The following SUSD4 variants were observed in gnomAD, a reference collection of about 807,000 sequenced individuals.
The protein encoded by SUSD4 is sushi domain containing 4.
In SUSD4, 41 loss-of-function variants were observed where a neutral mutation model predicts 50.5. The observed-to-expected ratio is 0.81, with a 90% CI of 0.63 to 1.05. SUSD4 has a LOEUF of 1.05. Among genes scored for constraint, SUSD4 ranks in the 50% least tolerant of loss-of-function variants. The probability of loss-of-function intolerance (pLI) is 0.00; values close to 1 mark genes in which losing one functional copy is unlikely to be tolerated. For missense variants in SUSD4, 580 were observed against 634.7 expected, an observed-to-expected ratio of 0.91 and a Z score of 0.93; for synonymous variants, 257 against 257.3, an observed-to-expected ratio of 1.00 and a Z score of 0.01.
At chr1:223,343,053 A>G (rs1437218402) in intron 2 of SUSD4, among the ~76,000 whole-genome samples, 1 of 152,206 alleles carries the variant, frequency 6.6e-6, no homozygotes, top group Non-Finnish European at 1.5e-5. Context: ...CAAAACAATA[A>G]ACACAAATAG....
At chr1:223,273,479 T>A (rs1223861573) in intron 3 of SUSD4, among the ~76,000 whole-genome samples, 1 of 152,246 alleles carries the variant, frequency 6.6e-6, no homozygotes, top group Non-Finnish European at 1.5e-5. Context: ...TCTTTGTTTG[T>A]CTGGGGGCTC....
At chr1:223,301,904 T>C (rs896418189) in intron 2 of SUSD4, among the ~76,000 whole-genome samples, 1 of 152,130 alleles carries the variant, frequency 6.6e-6, no homozygotes, top group Non-Finnish European at 1.5e-5. Context: ...TTTCCCATCA[T>C]CTCAAAATCC....
intron 2 of SUSD4, among the ~76,000 whole-genome samples, chr1:223,307,613 G>A (rs1423385128): frequency 6.6e-6 from 1 of 152,148 alleles, no homozygotes; most frequent in Admixed American, 6.5e-5. Flanking sequence ...GACTTTTGCG[G>A]GGGGATTGGA....
chr1:223,289,469 G>A (rs1019540135), intron 3 of SUSD4, among the ~76,000 whole-genome samples: 1 of 152,154 alleles, frequency 6.6e-6, no homozygotes, highest in Non-Finnish European at 1.5e-5. Context: ...TAAAAGAAAG[G>A]GATCTGTGCG....
chr1:223,278,810 A>ACCCCCCGAGTAGGGGCAGACT (rs1663471609), intron 3 of SUSD4, among the ~76,000 whole-genome samples: 1 of 152,006 alleles, frequency 6.6e-6, no homozygotes, highest in South Asian at 2.1e-4. Flanking sequence ...ACTGGGAGGC[A>ACCCCCCGAGTAGGGGCAGACT]CCCCCCGAGT....
At chr1:223,276,739 T>C (rs1663301472) in intron 3 of SUSD4, among the ~76,000 whole-genome samples, 1 of 152,168 alleles carries the variant, frequency 6.6e-6, no homozygotes, top group South Asian at 2.1e-4. Context: ...TGGGGACAGG[T>C]AGAAGCATCC....
upstream of SUSD4, among the ~76,000 whole-genome samples, chr1:223,364,887 G>A (rs968883951): frequency 1.3e-5 from 2 of 152,162 alleles, no homozygotes; most frequent in South Asian, 4.1e-4. This position sits in a 1 kb window ranked among gnomAD's most constrained non-coding sequence, Gnocchi z 4.5. Flanking sequence ...TCCCCAGGGA[G>A]CCCGAAGGAC....
At chr1:223,304,133 T>A (rs553903372) in intron 2 of SUSD4, among the ~76,000 whole-genome samples, 3 of 152,188 alleles carry the variant, frequency 2.0e-5, no homozygotes, top group African/African-American at 7.2e-5. Context: ...GCGCCCCTCA[T>A]GCGTCCGTTT....
At chr1:223,358,437 T>C (rs1181580349) in intron 2 of SUSD4, among the ~76,000 whole-genome samples, 2 of 152,236 alleles carry the variant, frequency 1.3e-5, no homozygotes, top group Non-Finnish European at 2.9e-5. Flanking sequence ...TTGAGTTCTA[T>C]CCGTCCTATA....
intron 2 of SUSD4, among the ~76,000 whole-genome samples, chr1:223,309,247 G>A (rs1665729079): frequency 6.6e-6 from 1 of 152,230 alleles, no homozygotes; most frequent in Admixed American, 6.5e-5. Flanking sequence ...CTATCTTGGA[G>A]ATATCTGCAC....
At chr1:223,346,299 G>A (rs146502213) in intron 2 of SUSD4, among the ~76,000 whole-genome samples, 87 of 152,160 alleles carry the variant, frequency 5.7e-4, no homozygotes, top group African/African-American at 2.0e-3. Flanking sequence ...GTGGCTCGTC[G>A]ATGGCCTCCT....
chr1:223,339,779 T>G (rs1214215202), intron 2 of SUSD4, among the ~76,000 whole-genome samples: 1 of 152,212 alleles, frequency 6.6e-6, no homozygotes, highest in Non-Finnish European at 1.5e-5. Flanking sequence ...AAGCTTCATG[T>G]GTATACACCT....
chr1:223,263,328 T>A (rs1180436489), intron 5 of SUSD4, among the ~76,000 whole-genome samples: 1 of 152,192 alleles, frequency 6.6e-6, no homozygotes, highest in Non-Finnish European at 1.5e-5. Flanking sequence ...AAATAAAAAT[T>A]CAAGACACTC....
chr1:223,237,520 C>T (rs1214489465), intron 5 of SUSD4, among the ~76,000 whole-genome samples: 2 of 151,686 alleles, frequency 1.3e-5, no homozygotes, highest in Non-Finnish European at 3.0e-5. Flanking sequence ...GAGGATGTTG[C>T]CCTTTATTTC....
chr1:223,327,300 T>C (rs571845868), intron 2 of SUSD4, among the ~76,000 whole-genome samples: 3 of 152,236 alleles, frequency 2.0e-5, no homozygotes, highest in Non-Finnish European at 4.4e-5. Flanking sequence ...AAGGCATACA[T>C]TGATATAATG....
chr1:223,355,319 C>T (rs949920219), intron 2 of SUSD4, among the ~76,000 whole-genome samples: 2 of 152,032 alleles, frequency 1.3e-5, no homozygotes, highest in African/African-American at 4.8e-5. Flanking sequence ...AGTGATCCAC[C>T]TGCCTCGGTC....
At chr1:223,338,636 G>GA (rs1350643227) in intron 2 of SUSD4, among the ~76,000 whole-genome samples, 1 of 152,238 alleles carries the variant, frequency 6.6e-6, no homozygotes. Context: ...GGAGTAGCTG[G>GA]AAGAGAGGCT....
intron 2 of SUSD4, among the ~76,000 whole-genome samples, chr1:223,337,529 CAATTGGGTGTT>C (rs201883049): frequency 0.015 from 2,278 of 152,188 alleles, 53 homozygotes; most frequent in African/African-American, 0.051. Context: ...GTTCTTGCTG[CAATTGGGTGTT>C]AATAGCAGAA....
At chr1:223,306,425 T>C (rs1245330438) in intron 2 of SUSD4, among the ~76,000 whole-genome samples, 1 of 152,220 alleles carries the variant, frequency 6.6e-6, no homozygotes, top group Non-Finnish European at 1.5e-5. Flanking sequence ...AGGAAGATGG[T>C]GGCAGGGAAG....
Sources: gnomAD v4.1 joint callset for allele counts (sites outside exome capture counted in the v4.1 genomes callset) on GRCh38, gnomAD v4.1.1 for gene constraint, Gnocchi (gnomAD v3.1) non-coding constraint, MANE v1.5 for transcripts, NCBI Gene and HGNC (gene_info 2026-07-23, HGNC 2026-07-21) for gene names.